RGS9: variants seen among roughly 807,000 people sequenced by gnomAD.
RGS9 encodes the protein regulator of G-protein signalling 9.
In RGS9, 78 loss-of-function variants were observed where a neutral mutation model predicts 102.0. The ratio of observed to expected loss-of-function variants is 0.76; its 90% CI spans 0.64 to 0.92. The LOEUF is 0.92. Among genes scored for constraint, RGS9 ranks in the 40% least tolerant of loss-of-function variants. The probability of loss-of-function intolerance (pLI) is 0.00; values close to 1 mark genes in which losing one functional copy is unlikely to be tolerated. For synonymous variants in RGS9, 353 were observed against 318.6 expected (o/e 1.11, Z -1.15); for missense variants, 833 against 866.1 (o/e 0.96, Z 0.48).
intron 2 of RGS9, among the ~76,000 whole-genome samples, chr17:65,156,174 C>G (rs1910760116): frequency 6.6e-6 from 1 of 152,170 alleles, no homozygotes. Context: ...AGGCACCCAC[C>G]ACCACATCCA....
At chr17:65,158,252 C>T (rs1308905245) in intron 2 of RGS9, 43 bp from the exon 3 acceptor site, 1 of 1,590,770 alleles carries the variant, frequency 6.3e-7, no homozygotes, top group Non-Finnish European at 8.6e-7. Context: ...GGGGATGTGT[C>T]AGGAGGCTAT....
At chr17:65,191,367 GT>G (rs1288765503) in intron 11 of RGS9, among the ~76,000 whole-genome samples, 22 of 147,618 alleles carry the variant, frequency 1.5e-4, no homozygotes, top group South Asian at 2.2e-4. Context: ...CTGTGAACCA[GT>G]TTTTTTTTTT....
intron 9 of RGS9, among the ~76,000 whole-genome samples, chr17:65,181,296 C>T (rs1474573573): frequency 6.6e-6 from 1 of 152,216 alleles, no homozygotes; most frequent in East Asian, 1.9e-4. Context: ...TCCTTGCCAG[C>T]ATCTGTTATT....
chr17:65,196,645 C>T (rs28377264), intron 12 of RGS9, among the ~76,000 whole-genome samples: 3,899 of 149,944 alleles, frequency 0.026, 166 homozygotes, highest in African/African-American at 0.09. Flanking sequence ...GAGGAGCCAC[C>T]GGCTCCCACC....
In RGS9 at chr17:65,225,426, T is replaced by C. The variant is rs760149523; in HGVS notation, c.1832T>C (p.Val611Ala). 17 of 1,609,622 alleles carry C rather than the reference T, an allele frequency of 1.1e-5. No homozygotes were observed. The highest frequency in any genetic ancestry group is 1.4e-5 in the Non-Finnish European group (17 of 1,180,000). ...PKCPAVSHGR[V>A]QPLGDVGQQL... ...TGCCCTGCTGTGTCCCACGGGAGGG[T>C]GCAGCCCCTGGGGGACGTGGGCCAG... The change falls in exon 18 of 19, where the codon GTG (valine) becomes GCG (alanine). Residue 611 changes from valine (V) to alanine (A), a missense_variant. Coordinates refer to ENST00000262406, the MANE Select transcript of RGS9 (RefSeq NM_003835.4).
intron 1 of RGS9, among the ~76,000 whole-genome samples, chr17:65,146,315 CG>C (rs1363900746): frequency 2.0e-5 from 3 of 152,132 alleles, no homozygotes; most frequent in African/African-American, 7.2e-5. Context: ...CTTGGCCTGG[CG>C]TGGTGGCTCA....
At chr17:65,197,823 C>A (rs566865625) in intron 13 of RGS9, among the ~76,000 whole-genome samples, 1 of 152,152 alleles carries the variant, frequency 6.6e-6, no homozygotes, top group East Asian at 1.9e-4. Flanking sequence ...GTGCCTGTCA[C>A]CACACCTGGC....
intron 2 of RGS9, among the ~76,000 whole-genome samples, chr17:65,154,329 C>T (rs752546633): frequency 1.8e-4 from 28 of 152,122 alleles, no homozygotes; most frequent in Non-Finnish European, 4.4e-5. Flanking sequence ...TATTTACTAT[C>T]TAGCGCTCTA....
At chr17:65,205,172 C>T (rs996087223) in intron 15 of RGS9, among the ~76,000 whole-genome samples, 1 of 152,152 alleles carries the variant, frequency 6.6e-6, no homozygotes, top group Non-Finnish European at 1.5e-5. Flanking sequence ...AAACTAGAAT[C>T]GGAGGCTCAG....
intron 3 of RGS9, chr17:65,158,766 G>C: frequency 3.1e-6 from 1 of 325,684 alleles, no homozygotes; most frequent in South Asian, 2.9e-5. Flanking sequence ...CATGGCTCCA[G>C]ATGGCTATGG....
At chr17:65,218,242 G>A (rs1913583510) in intron 17 of RGS9, among the ~76,000 whole-genome samples, 1 of 152,346 alleles carries the variant, frequency 6.6e-6, no homozygotes, top group Non-Finnish European at 1.5e-5. Context: ...TTTGTCAATG[G>A]GAAATGCTGT....
chr17:65,176,317 C>A (rs541673544), intron 8 of RGS9, among the ~76,000 whole-genome samples: 18 of 152,322 alleles, frequency 1.2e-4, no homozygotes, highest in African/African-American at 4.3e-4. Context: ...GAATACAACC[C>A]CTTGCTCAGC....
chr17:65,180,114 C>T (rs567041094), intron 9 of RGS9: 49 of 152,390 alleles, frequency 3.2e-4, no homozygotes, highest in Non-Finnish European at 6.2e-4. Context: ...TCAGGCAGCC[C>T]CAGCATGCTG....
intron 17 of RGS9, among the ~76,000 whole-genome samples, chr17:65,222,109 G>A (rs887460897): frequency 2.0e-5 from 3 of 152,240 alleles, no homozygotes; most frequent in African/African-American, 7.2e-5. Flanking sequence ...TCAGTTCCTC[G>A]TTTAAGACTC....
At chr17:65,151,209 G>C (rs1260055252) in intron 1 of RGS9, among the ~76,000 whole-genome samples, 1 of 152,120 alleles carries the variant, frequency 6.6e-6, no homozygotes, top group South Asian at 2.1e-4. Flanking sequence ...ACTGAGCATG[G>C]TGTCATGTGT....
intron 2 of RGS9, among the ~76,000 whole-genome samples, chr17:65,157,108 T>C (rs536536441): frequency 2.7e-5 from 4 of 149,052 alleles, no homozygotes; most frequent in Non-Finnish European, 5.9e-5. Flanking sequence ...GAAGTATCAT[T>C]GGCAATTATC....
At chr17:65,164,370 G>A (rs796958320) in intron 7 of RGS9, among the ~76,000 whole-genome samples, 18 of 152,332 alleles carry the variant, frequency 1.2e-4, no homozygotes, top group African/African-American at 4.1e-4. Flanking sequence ...GCAGGTCAAC[G>A]TCAAAGGTTG....
At chr17:65,151,113 G>A (rs1910561447) in intron 1 of RGS9, among the ~76,000 whole-genome samples, 1 of 152,262 alleles carries the variant, frequency 6.6e-6, no homozygotes, top group African/African-American at 2.4e-5. Flanking sequence ...GGGAGGCTGA[G>A]GCAGGTGGAT....
intron 2 of RGS9, 43 bp downstream of exon 2, chr17:65,153,561 A>G (rs1390923615): frequency 6.8e-7 from 1 of 1,475,646 alleles, no homozygotes; most frequent in South Asian, 1.1e-5. Flanking sequence ...AATAGACCCC[A>G]CAGGCCCAAT....
Sources: allele counts gnomAD v4.1 joint callset (sites outside exome capture counted in the v4.1 genomes callset), GRCh38; gene constraint gnomAD v4.1.1; transcripts MANE v1.5; gene names NCBI Gene and HGNC (gene_info 2026-07-23, HGNC 2026-07-21).